The following NUDCD1 variants were observed in gnomAD, a reference collection of about 807,000 sequenced individuals.
NUDCD1 encodes nudC domain-containing protein 1.
A neutral mutation model predicts 67.8 loss-of-function variants in NUDCD1; 60 were observed. The observed-to-expected ratio is 0.88, with a 90% CI of 0.72 to 1.10. The LOEUF (loss-of-function observed/expected upper bound fraction) is 1.10, where lower values mean the gene tolerates loss of function less well. Ranked by LOEUF, NUDCD1 falls within the 50% of genes least tolerant of loss-of-function variation. NUDCD1 has a pLI of 0.00. For synonymous variants in NUDCD1, 244 were observed against 230.8 expected (o/e 1.06, Z -0.52); for missense variants, 643 against 695.0 (o/e 0.93, Z 0.84).
At chr8:109,319,911 C>CG (rs1192295683) in intron 2 of NUDCD1, among the ~76,000 whole-genome samples, 4 of 152,172 alleles carry the variant, frequency 2.6e-5, no homozygotes, top group South Asian at 4.2e-4. Context: ...GCCGGGCATC[C>CG]GGGGGAGACA....
At chr8:109,261,634 A>C (rs1193235819) in intron 8 of NUDCD1, among the ~76,000 whole-genome samples, 1 of 152,136 alleles carries the variant, frequency 6.6e-6, no homozygotes, top group African/African-American at 2.4e-5. Flanking sequence ...AAAAGGCGTA[A>C]GGAGATATAA....
At chr8:109,250,778 T>C (rs1478218356) in intron 8 of NUDCD1, among the ~76,000 whole-genome samples, 2 of 152,094 alleles carry the variant, frequency 1.3e-5, no homozygotes, top group African/African-American at 2.4e-5. Context: ...ATTGATGATA[T>C]TTGAATAACA....
At chr8:109,273,920 C>T (rs1814217306) in intron 7 of NUDCD1, among the ~76,000 whole-genome samples, 1 of 151,920 alleles carries the variant, frequency 6.6e-6, no homozygotes, top group African/African-American at 2.4e-5. Flanking sequence ...TAAAAATCCC[C>T]AAGAAAATAT....
chr8:109,308,473 A>T (rs1002817466), intron 2 of NUDCD1, among the ~76,000 whole-genome samples: 1 of 152,182 alleles, frequency 6.6e-6, no homozygotes, highest in Non-Finnish European at 1.5e-5. Context: ...GAAAATAACC[A>T]AGATCAGAAC....
chr8:109,310,759 GA>G (rs35673675), intron 2 of NUDCD1, among the ~76,000 whole-genome samples: 3 of 138,612 alleles, frequency 2.2e-5, no homozygotes, highest in Non-Finnish European at 3.1e-5. Context: ...CAACAGCAAG[GA>G]AAAAAAACAA....
intron 8 of NUDCD1, among the ~76,000 whole-genome samples, chr8:109,247,302 A>C (rs959365606): frequency 6.6e-6 from 1 of 152,208 alleles, no homozygotes; most frequent in Non-Finnish European, 1.5e-5. Context: ...ATATTTTCAC[A>C]ACAATACATC....
intron 8 of NUDCD1, among the ~76,000 whole-genome samples, chr8:109,264,391 A>C (rs750468199): frequency 6.6e-6 from 1 of 152,204 alleles, no homozygotes; most frequent in Non-Finnish European, 1.5e-5. Flanking sequence ...GCCAATCCTT[A>C]AACACTTTTC....
intron 2 of NUDCD1, among the ~76,000 whole-genome samples, chr8:109,300,171 G>A (rs548366164): frequency 3.2e-4 from 48 of 152,216 alleles, no homozygotes; most frequent in Middle Eastern, 3.4e-3. Context: ...AATCAAGTCT[G>A]GTAATATGAC....
intron 2 of NUDCD1, among the ~76,000 whole-genome samples, chr8:109,308,573 G>C (rs1232631484): frequency 1.3e-5 from 2 of 152,032 alleles, no homozygotes; most frequent in African/African-American, 4.8e-5. Flanking sequence ...AAAATGCATA[G>C]ACCATTAGCA....
At chr8:109,319,625 T>C (rs1429091887) in intron 2 of NUDCD1, among the ~76,000 whole-genome samples, 1 of 152,072 alleles carries the variant, frequency 6.6e-6, no homozygotes, top group African/African-American at 2.4e-5. Context: ...AGTTAATCAA[T>C]GAGAAAAGGA....
chr8:109,252,801 T>A (rs1813651295), intron 8 of NUDCD1, among the ~76,000 whole-genome samples: 1 of 152,212 alleles, frequency 6.6e-6, no homozygotes, highest in Non-Finnish European at 1.5e-5. Flanking sequence ...CTCAGCTTTC[T>A]GATGAGTCTT....
intron 8 of NUDCD1, among the ~76,000 whole-genome samples, chr8:109,250,822 T>G (rs1813606720): frequency 6.6e-6 from 1 of 152,226 alleles, no homozygotes. Context: ...TAAACCCTAC[T>G]TGGTCATAAT....
Position 109,277,409 on chromosome 8 carries a change from C to T in NUDCD1, c.1029-1913G>A, listed in dbSNP as rs114462889. 5.2e-3 allele frequency among the ~76,000 whole-genome samples: 798 copies of T among 152,110 alleles called. 10 individuals carry two copies. Among genetic ancestry groups the T allele is most frequent in the African/African-American group, 0.019 (768 of 41,500 alleles). ...TTGCACAGTTAATCAGTGCACCCTTCTTCTAAGACTGCATTTGTACGTTTT... is the reference window on the plus strand; with the variant it reads ...TTGCACAGTTAATCAGTGCACCCTTTTTCTAAGACTGCATTTGTACGTTTT... On this transcript the variant is annotated intron_variant, in intron 6 of 9. Transcript: ENST00000239690.
chr8:109,328,650 G>T (rs1208307834), intron 1 of NUDCD1, among the ~76,000 whole-genome samples: 1 of 152,162 alleles, frequency 6.6e-6, no homozygotes, highest in Non-Finnish European at 1.5e-5. Context: ...GTGTACACAG[G>T]AAAGTCTTGC....
At chr8:109,286,253 C>T (rs907494112) in intron 5 of NUDCD1, among the ~76,000 whole-genome samples, 3 of 151,988 alleles carry the variant, frequency 2.0e-5, no homozygotes, top group African/African-American at 4.8e-5. Flanking sequence ...AGAGTAAATG[C>T]TACTCCTATC....
At chr8:109,255,796 G>A (rs890235976) in intron 8 of NUDCD1, among the ~76,000 whole-genome samples, 1 of 152,054 alleles carries the variant, frequency 6.6e-6, no homozygotes, top group Non-Finnish European at 1.5e-5. Context: ...ATAAAGTAAG[G>A]AAACAGTGAG....
Position 109,255,111 on chromosome 8 carries a change from T to G in NUDCD1, c.1300-9630A>C, listed in dbSNP as rs1029975834. 3.9e-5 allele frequency among the ~76,000 whole-genome samples: 6 copies of G among 152,336 alleles called. No individual in the cohort carries two copies. In the East Asian group the frequency reaches 7.7e-4, roughly 20 times the overall value. On this transcript the variant is annotated intron_variant, in intron 8 of 9. Transcript: ENST00000239690. Reference sequence around the variant, plus strand: ...ATTCAGATATATTTCCAAACTCATGTTCTTTACCACCACCTGCATGTTCTC... The same window carrying G: ...ATTCAGATATATTTCCAAACTCATGGTCTTTACCACCACCTGCATGTTCTC...
chr8:109,272,257 A>G (rs925852281), intron 7 of NUDCD1, among the ~76,000 whole-genome samples: 1 of 144,974 alleles, frequency 6.9e-6, no homozygotes, highest in Non-Finnish European at 1.5e-5. Flanking sequence ...TAAGACAACA[A>G]TAATACAAAG....
chr8:109,282,843 C>CAA (rs61423717), intron 5 of NUDCD1, among the ~76,000 whole-genome samples: 51 of 140,290 alleles, frequency 3.6e-4, no homozygotes, highest in African/African-American at 8.9e-4. Context: ...AAAAAAATTC[C>CAA]AAAAAAAAAA....
Sources: gnomAD v4.1 joint callset for allele counts (sites outside exome capture counted in the v4.1 genomes callset) on GRCh38, gnomAD v4.1.1 for gene constraint, MANE v1.5 for transcripts, NCBI Gene and HGNC (gene_info 2026-07-23, HGNC 2026-07-21) for gene names.